CRB2: variants seen among roughly 807,000 people sequenced by gnomAD.
CRB2 encodes the protein protein crumbs homolog 2.
In CRB2, 85 loss-of-function variants were observed where a neutral mutation model predicts 110.9. The observed-to-expected ratio is 0.77, with a 90% CI of 0.64 to 0.92. The LOEUF (loss-of-function observed/expected upper bound fraction) is 0.92. Among genes scored for constraint, CRB2 ranks in the 40% least tolerant of loss-of-function variants. CRB2 has a pLI of 0.00. For missense variants in CRB2, 1,843 were observed against 1,851.3 expected, an observed-to-expected ratio of 1.00 and a Z score of 0.08; for synonymous variants, 907 against 831.0, an observed-to-expected ratio of 1.09 and a Z score of -1.57.
At position 123,371,532 on chromosome 9, in the gene CRB2, A is replaced by G; in HGVS notation, c.2390A>G (p.Gln797Arg). 1 of 1,613,158 alleles carries G rather than the reference A, an allele frequency of 6.2e-7. No homozygotes were observed. The highest frequency in any genetic ancestry group is 1.1e-5 in the South Asian group (1 of 91,084). The change falls in exon 8 of 13, where the codon CAG (glutamine) becomes CGG (arginine). Residue 797 changes from glutamine to arginine, a missense_variant. Physicochemically the swap from Gln to Arg is conservative, Grantham distance 43. Transcript: ENST00000373631. ...SSQPSELGGR[Q>R]SWNLTAGCVS... Reference sequence around the variant, plus strand: ...CAGCCCAGCGAGCTCGGCGGCAGGCAGTCCTGGAACCTCACTGCGGGCTGC... The same window carrying G: ...CAGCCCAGCGAGCTCGGCGGCAGGCGGTCCTGGAACCTCACTGCGGGCTGC...
chr9:123,373,838 T>C lies in CRB2; in HGVS notation c.3307T>C (p.Cys1103Arg). The C allele has an allele frequency of 6.4e-7, 1 of 1,569,662 alleles. No individual in the cohort carries two copies. Among genetic ancestry groups the C allele is most frequent in the Non-Finnish European group, 8.6e-7 (1 of 1,164,106 alleles). ...CGTCGACCCCTGTCACTCCGCCCCC[T>C]GCGCCCGTGGCCGCTGTCACACGCA... ...AHVDPCHSAP[C>R]ARGRCHTHPD... The change falls in exon 10 of 13, where the codon TGC (cysteine) becomes CGC (arginine). Residue 1103 changes from cysteine (C) to arginine (R), a missense_variant. Physicochemically the swap from Cys to Arg is radical, Grantham distance 180 (BLOSUM62 -3). Coordinates refer to ENST00000373631, the MANE Select transcript of CRB2 (RefSeq NM_173689.7).
upstream of CRB2, among the ~76,000 whole-genome samples, chr9:123,354,934 C>T (rs1432191213): frequency 6.6e-6 from 1 of 152,212 alleles, no homozygotes; most frequent in African/African-American, 2.4e-5. Context: ...CCCTCTAGCT[C>T]ATCTGGACCT....
intron 12 of CRB2, among the ~76,000 whole-genome samples, chr9:123,376,371 C>T (rs374194183): frequency 1.3e-5 from 2 of 152,114 alleles, no homozygotes; most frequent in Admixed American, 6.5e-5. Flanking sequence ...CTGGGCTCCC[C>T]GAAGCCTGGG....
At chr9:123,355,751 G>C (rs143298737), upstream of CRB2, among the ~76,000 whole-genome samples, 433 of 151,150 alleles carry the variant, frequency 2.9e-3, 2 homozygotes, top group African/African-American at 9.9e-3. Context: ...TGGGTGGGAG[G>C]GGCTGCAGCT....
intron 1 of CRB2, among the ~76,000 whole-genome samples, chr9:123,357,546 AG>A (rs1208413271): frequency 2.0e-5 from 3 of 150,546 alleles, no homozygotes; most frequent in Non-Finnish European, 4.4e-5. Context: ...AAGGAAACCA[AG>A]GCTCAGAGAG....
At chr9:123,362,077 T>G (rs2041874932) in intron 1 of CRB2, among the ~76,000 whole-genome samples, 1 of 152,192 alleles carries the variant, frequency 6.6e-6, no homozygotes, top group Non-Finnish European at 1.5e-5. Context: ...GGCCGGCCAC[T>G]CAGGTGTTTG....
rs747237748 is a variant in CRB2, at chr9:123,373,366, C to T, written c.2835C>T (p.Pro945=). The T allele has an allele frequency of 1.2e-5, 17 of 1,433,652 alleles. No homozygotes were observed. In the South Asian group the frequency reaches 2.3e-4, roughly 20 times the overall value. The allele number at this position is 1,433,652 out of a possible 1,614,324, so 88.8% of individuals were successfully genotyped here. The change falls in exon 10 of 13, where the codon CCC becomes CCT. Residue 945 remains proline, a synonymous_variant. Transcript: ENST00000373631. The part of the protein sequence containing the change: ...GGHGLPGAVL[P]IPGPRVADGA... ...ATGGCCTGCCCGGCGCTGTGCTGCC[C>T]ATACCGGGGCCGCGCGTGGCCGATG...
intron 10 of CRB2, 105 bp downstream of exon 10, chr9:123,374,025 C>T: frequency 7.3e-7 from 1 of 1,377,866 alleles, no homozygotes; most frequent in Non-Finnish European, 1.0e-6. Flanking sequence ...TTCCCTGGTC[C>T]TCATGTCCTT....
At position 123,370,735 on chromosome 9, in the gene CRB2, C is replaced by CGCT; in HGVS notation, c.1685_1687dup (p.Leu562dup). 1 of 1,603,182 alleles carries CGCT rather than the reference C, an allele frequency of 6.2e-7. No individual in the cohort carries two copies. ...CTGGCTTCCACGGCTTCGGCAACTCCGCTGCCTGCCGGGATCTCCTCTGCC... is the reference window on the plus strand; with the variant it reads ...CTGGCTTCCACGGCTTCGGCAACTCCGCTGCTGCCTGCCGGGATCTCCTCTGCC... On this transcript the variant is annotated inframe_insertion, in exon 7 of 13. Coordinates refer to ENST00000373631, the MANE Select transcript of CRB2 (RefSeq NM_173689.7).
In CRB2 at chr9:123,373,741, C is replaced by T; in HGVS notation, c.3210C>T (p.Ala1070=). The change falls in exon 10 of 13, where the codon GCC becomes GCT. Residue 1070 remains alanine (A), a synonymous_variant. Transcript: ENST00000373631. The part of the protein sequence containing the change: ...CAPSPCLHDG[A]CRDLFDAFAC... ...CCTCGCCCTGTCTGCACGACGGTGC[C>T]TGCCGTGACCTCTTCGACGCCTTTG... The T allele has an allele frequency of 6.3e-7, 1 of 1,584,046 alleles. No individual in the cohort carries two copies. The highest frequency in any genetic ancestry group is 8.5e-7 in the Non-Finnish European group (1 of 1,174,156).
In CRB2 at chr9:123,378,238, T is replaced by A. The variant is rs1488056855; in HGVS notation, c.*1176T>A. 1.3e-5 allele frequency: 2 copies of A among 152,264 alleles called. No homozygotes were observed. Among genetic ancestry groups the A allele is most frequent in the Non-Finnish European group, 2.9e-5 (2 of 68,064 alleles). 9.4% of individuals were successfully genotyped at this position (152,264 alleles called of 1,614,324 possible). ...CTGCAGAGGCCGACTCAGAGGAGAC[T>A]CTGCTGCTTGCTCCCAGCCCCTTCC... On this transcript the variant is annotated 3_prime_UTR_variant, in exon 13 of 13. Transcript: ENST00000373631.
intron 1 of CRB2, among the ~76,000 whole-genome samples, chr9:123,362,326 C>T (rs2041877709): frequency 6.6e-6 from 1 of 152,144 alleles, no homozygotes; most frequent in African/African-American, 2.4e-5. Flanking sequence ...GTGGGAGGAG[C>T]CTCACCCTCT....
intron 1 of CRB2, among the ~76,000 whole-genome samples, chr9:123,358,086 G>A (rs1162594217): frequency 6.6e-6 from 1 of 152,228 alleles, no homozygotes; most frequent in East Asian, 1.9e-4. Flanking sequence ...GGGGTACACT[G>A]CAGGCATGAC....
At chr9:123,368,831 T>G (rs2488603) in intron 6 of CRB2, 2 of 1,244,338 alleles carry the variant, frequency 1.6e-6, no homozygotes, top group Non-Finnish European at 2.1e-6. Context: ...GAGCTCTGCC[T>G]CCTCCCCACT....
rs1403651459 is a variant in CRB2, at chr9:123,370,988, A to G, written c.1927+8A>G. 2 of 1,599,788 alleles carry G rather than the reference A, an allele frequency of 1.3e-6. No individual in the cohort carries two copies. Among genetic ancestry groups the G allele is most frequent in the East Asian group, 2.2e-5 (1 of 44,706 alleles). On this transcript the variant is annotated splice_region_variant and intron_variant, in intron 7 of 12. Coordinates refer to ENST00000373631, the MANE Select transcript of CRB2 (RefSeq NM_173689.7). ...GTCCCACGTGCGCTGATGGTGAGGA[A>G]TAAGCCAGGTGGGAAGGCAGCACCT...
chr9:123,368,146 C>G (rs930354420), intron 6 of CRB2, among the ~76,000 whole-genome samples: 1 of 152,122 alleles, frequency 6.6e-6, no homozygotes, highest in East Asian at 1.9e-4. Flanking sequence ...GCCCAGGGAG[C>G]TCCACCGCCA....
intron 10 of CRB2, 115 bp downstream of exon 10, chr9:123,374,035 T>G: frequency 3.2e-6 from 4 of 1,255,976 alleles, no homozygotes; most frequent in South Asian, 1.3e-5. Flanking sequence ...CTCATGTCCT[T>G]ATCTGTGACA....
rs201634949 is a variant in CRB2 at position 123,370,869 on chromosome 9, C to T, written c.1816C>T (p.Arg606Ter). 3 of 1,610,792 alleles carry T rather than the reference C, an allele frequency of 1.9e-6. No homozygotes were observed. The highest frequency in any genetic ancestry group is 1.7e-6 in the Non-Finnish European group (2 of 1,180,010). ...GAACGTCCTCCTGGGCTGTGAGCGC[C>T]GAGAGCAGTGCCGGCCTCTGCCTTG... ...GENVLLGCERREQCRPLPCVH... is the reference protein window; with the variant it reads ...GENVLLGCER The change falls in exon 7 of 13, where the codon CGA (arginine) becomes TGA (stop). Residue 606 changes from arginine (R) to a stop codon, truncating the protein, a stop_gained. Coordinates refer to ENST00000373631, the MANE Select transcript of CRB2 (RefSeq NM_173689.7). LOFTEE classifies it high-confidence loss of function.
intron 1 of CRB2, among the ~76,000 whole-genome samples, chr9:123,359,039 ACT>A (rs1398879421): frequency 2.0e-5 from 3 of 151,540 alleles, no homozygotes; most frequent in South Asian, 2.1e-4. Flanking sequence ...CTGAGCCCAA[ACT>A]CTCAAGGGTT....
Sources: gnomAD v4.1 joint callset for allele counts (sites outside exome capture counted in the v4.1 genomes callset) on GRCh38, gnomAD v4.1.1 for gene constraint, MANE v1.5 for transcripts, NCBI Gene and HGNC (gene_info 2026-07-23, HGNC 2026-07-21) for gene names.